The following TMEM131L variants were observed in gnomAD, a reference collection of about 807,000 sequenced individuals.
TMEM131L encodes the protein transmembrane 131 like, also known as transmembrane protein 131-like.
In TMEM131L, 54 loss-of-function variants were observed where a neutral mutation model predicts 192.2. The observed-to-expected ratio is 0.28, with a 90% confidence interval of 0.23 to 0.35. TMEM131L has a LOEUF of 0.35. TMEM131L is among the 10% of genes least tolerant of loss of function. The pLI is 1.00. For missense variants in TMEM131L, 1,888 were observed against 1,972.9 expected, an observed-to-expected ratio of 0.96 and a Z score of 0.82; for synonymous variants, 701 against 704.9, an observed-to-expected ratio of 0.99 and a Z score of 0.09.
intron 14 of TMEM131L, 101 bp from the exon 15 acceptor site, chr4:153,587,641 C>A: frequency 1.2e-6 from 1 of 855,194 alleles, no homozygotes; most frequent in South Asian, 1.4e-5. Context: ...AAGGGAAGTT[C>A]ACTGAGGTGC....
intron 19 of TMEM131L, among the ~76,000 whole-genome samples, chr4:153,594,583 G>A (rs1370779040): frequency 6.6e-6 from 1 of 152,182 alleles, no homozygotes; most frequent in Non-Finnish European, 1.5e-5. Context: ...ACTCACATAT[G>A]CGGATAACTC....
At chr4:153,546,435 T>C (rs936446867) in intron 3 of TMEM131L, among the ~76,000 whole-genome samples, 6 of 152,138 alleles carry the variant, frequency 3.9e-5, no homozygotes, top group African/African-American at 9.7e-5. Context: ...ATGCTGACTT[T>C]CGCAAGAAAG....
chr4:153,599,318 C>G (rs1222412903), intron 21 of TMEM131L, among the ~76,000 whole-genome samples: 3 of 152,146 alleles, frequency 2.0e-5, no homozygotes, highest in Non-Finnish European at 4.4e-5. Flanking sequence ...GAGACCACCG[C>G]CATGATCCAT....
chr4:153,480,231 T>C (rs1481231545), intron 3 of TMEM131L, among the ~76,000 whole-genome samples: 1 of 151,972 alleles, frequency 6.6e-6, no homozygotes, highest in Non-Finnish European at 1.5e-5. Flanking sequence ...CCCAGCTGCT[T>C]GGGAGGCTGA....
At chr4:153,546,183 AC>A (rs1737161358) in intron 3 of TMEM131L, among the ~76,000 whole-genome samples, 1 of 148,574 alleles carries the variant, frequency 6.7e-6, no homozygotes, top group Admixed American at 6.7e-5. Flanking sequence ...GAGCCACTGC[AC>A]CCGGTCCATT....
At position 153,603,831 on chromosome 4, in the gene TMEM131L, A is replaced by G. The variant is rs1363402660; in HGVS notation, c.2819A>G (p.Tyr940Cys). Residue 940 changes from tyrosine (Y) to cysteine (C), a missense_variant, in exon 25 of 35, where the codon TAT becomes TGT. Coordinates refer to ENST00000409959, the MANE Select transcript of TMEM131L (RefSeq NM_001131007.2). ...KSNCKNFLDT[Y>C]GPSDKGRGKN... ...AATTGCAAGAACTTTCTCGATACAT[A>G]TGGCCCCTCTGATAAAGGCAGGGGG... is the stretch of plus-strand genomic sequence containing the variant. The G allele has an allele frequency of 2.5e-6, 4 of 1,605,874 alleles. No homozygotes were observed. The highest frequency in any genetic ancestry group is 2.7e-5 in the African/African-American group (2 of 74,298).
intron 3 of TMEM131L, among the ~76,000 whole-genome samples, chr4:153,547,917 C>T (rs1050281177): frequency 1.3e-5 from 2 of 152,240 alleles, no homozygotes; most frequent in African/African-American, 4.8e-5. Context: ...GGCAAATTCA[C>T]TTTTCAGTGC....
intron 30 of TMEM131L, among the ~76,000 whole-genome samples, chr4:153,627,118 C>T (rs1431589980): frequency 6.6e-6 from 1 of 152,130 alleles, no homozygotes; most frequent in Non-Finnish European, 1.5e-5. Context: ...GACTAGTGCA[C>T]AGGAAAGCTC....
intron 25 of TMEM131L, among the ~76,000 whole-genome samples, chr4:153,610,263 T>G (rs1182788141): frequency 6.6e-6 from 1 of 152,260 alleles, no homozygotes; most frequent in South Asian, 2.1e-4. Context: ...GATTCAGATC[T>G]TCACTAATTC....
chr4:153,602,601 C>T lies in TMEM131L; in HGVS notation c.2513C>T (p.Ala838Val), dbSNP rs1290581117. Residue 838 changes from alanine to valine, a missense_variant, in exon 23 of 35, where the codon GCG becomes GTG. Physicochemically the swap from Ala to Val is moderately conservative, Grantham distance 64. Coordinates refer to ENST00000409959, the MANE Select transcript of TMEM131L (RefSeq NM_001131007.2). ...CGGGACCTAAGTCTTGTAACCGCAG[C>T]GGACCTAGAATTTCGCTTCACTCTC... is the stretch of plus-strand genomic sequence containing the variant. ...VIRDLSLVTA[A>V]DLEFRFTLNV... The T allele has an allele frequency of 5.6e-6, 9 of 1,613,960 alleles. No individual in the cohort carries two copies. Among genetic ancestry groups the T allele is most frequent in the Non-Finnish European group, 7.6e-6 (9 of 1,179,986 alleles).
chr4:153,522,272 G>A (rs900750286), intron 3 of TMEM131L, among the ~76,000 whole-genome samples: 1 of 152,166 alleles, frequency 6.6e-6, no homozygotes, highest in African/African-American at 2.4e-5. Flanking sequence ...TTGAGTTCCT[G>A]TTTTGTGCCC....
At chr4:153,580,794 A>T (rs369956635) in intron 7 of TMEM131L, 32 bp from the exon 8 acceptor site, 56 of 1,377,106 alleles carry the variant, frequency 4.1e-5, no homozygotes, top group Non-Finnish European at 5.5e-5. Context: ...CCTTTTACTT[A>T]AAGTTCTTTT....
chr4:153,476,106 A>G (rs1307980853), intron 3 of TMEM131L, among the ~76,000 whole-genome samples: 1 of 152,000 alleles, frequency 6.6e-6, no homozygotes, highest in African/African-American at 2.4e-5. Context: ...TGGCAGGTGC[A>G]CACAATCACG....
chr4:153,566,526 T>A (rs1377101594), intron 7 of TMEM131L, among the ~76,000 whole-genome samples: 1 of 139,348 alleles, frequency 7.2e-6, no homozygotes, highest in Non-Finnish European at 1.5e-5. Flanking sequence ...TGAGTGTGTG[T>A]GTGTGTGTGT....
chr4:153,560,511 C>A, intron 7 of TMEM131L, among the ~76,000 whole-genome samples: 1 of 152,352 alleles, frequency 6.6e-6, no homozygotes, highest in South Asian at 2.1e-4. Flanking sequence ...ACCACAAAAT[C>A]TGCCCACTTA....
intron 25 of TMEM131L, among the ~76,000 whole-genome samples, chr4:153,605,454 A>G (rs1578851106): frequency 1.3e-5 from 2 of 152,106 alleles, no homozygotes; most frequent in Non-Finnish European, 2.9e-5. Context: ...TGCAACCTCC[A>G]CCTCCGGGGC....
At chr4:153,585,659 T>C in intron 13 of TMEM131L, 48 bp downstream of exon 13, 1 of 1,403,574 alleles carries the variant, frequency 7.1e-7, no homozygotes, top group Non-Finnish European at 9.7e-7. Context: ...TTAAGCTTTG[T>C]TTAAGGTCAG....
chr4:153,536,428 T>C (rs1212873699), intron 3 of TMEM131L, among the ~76,000 whole-genome samples: 2 of 152,214 alleles, frequency 1.3e-5, no homozygotes, highest in African/African-American at 2.4e-5. Context: ...CTGAGCTGAA[T>C]TGAAAGGGAG....
chr4:153,490,173 T>C (rs866754785), intron 3 of TMEM131L, among the ~76,000 whole-genome samples: 1 of 152,210 alleles, frequency 6.6e-6, no homozygotes, highest in Non-Finnish European at 1.5e-5. Context: ...TTACTGTGAA[T>C]TGAAATACTT....
Sources: allele counts gnomAD v4.1 joint callset (sites outside exome capture counted in the v4.1 genomes callset), GRCh38; gene constraint gnomAD v4.1.1; transcripts MANE v1.5; gene names NCBI Gene and HGNC (gene_info 2026-07-23, HGNC 2026-07-21).